Variants in RBFOX1 observed in about 807,000 individuals in gnomAD.
RBFOX1 encodes RNA binding protein fox-1 homolog 1.
In RBFOX1, 8 loss-of-function variants were observed where a neutral mutation model predicts 57.7. The ratio of observed to expected loss-of-function variants is 0.14; its 90% CI spans 0.08 to 0.25. The LOEUF (loss-of-function observed/expected upper bound fraction) is 0.25. RBFOX1 is among the 10% of genes least tolerant of loss of function. RBFOX1 has a pLI of 1.00. For synonymous variants in RBFOX1, 326 were observed against 222.4 expected, an observed-to-expected ratio of 1.47 and a Z score of -4.15; for missense variants, 611 against 548.5, an observed-to-expected ratio of 1.11 and a Z score of -1.14.
At chr16:5,976,763 G>C (rs1432666166) in intron 4 of RBFOX1, among the ~76,000 whole-genome samples, 1 of 143,788 alleles carries the variant, frequency 7.0e-6, no homozygotes, top group Non-Finnish European at 1.5e-5. Context: ...CAGCTACTTG[G>C]GGGGCTTAGC....
At chr16:5,584,822 C>T (rs544158159) in intron 2 of RBFOX1, among the ~76,000 whole-genome samples, 1 of 152,062 alleles carries the variant, frequency 6.6e-6, no homozygotes. Context: ...CTGATACAGA[C>T]CCTATTAATT....
chr16:7,601,512 G>T (rs143134282), intron 9 of RBFOX1, among the ~76,000 whole-genome samples: 105 of 152,272 alleles, frequency 6.9e-4, no homozygotes, highest in African/African-American at 2.3e-3. Context: ...GCTAAAAGGG[G>T]CTGAACAGGT....
intron 4 of RBFOX1, among the ~76,000 whole-genome samples, chr16:7,488,093 A>G (rs1410312968): frequency 1.3e-5 from 2 of 152,146 alleles, no homozygotes; most frequent in Admixed American, 1.3e-4. Context: ...TAGAGGGAAA[A>G]GACCTGAGCA....
At chr16:6,206,676 T>G (rs1269737168) in intron 1 of RBFOX1, among the ~76,000 whole-genome samples, 1 of 152,208 alleles carries the variant, frequency 6.6e-6, no homozygotes, top group African/African-American at 2.4e-5. Context: ...GTTGCAAAGA[T>G]AATACAAATG....
chr16:6,468,347 G>C (rs1391306527), intron 2 of RBFOX1, among the ~76,000 whole-genome samples: 3 of 152,174 alleles, frequency 2.0e-5, no homozygotes, highest in Non-Finnish European at 4.4e-5. Context: ...CTTTAAGCTT[G>C]TGCCCCACTG....
At chr16:7,021,896 TTTTC>T (rs199499097) in intron 3 of RBFOX1, among the ~76,000 whole-genome samples, 6,324 of 122,048 alleles carry the variant, frequency 0.052, 155 homozygotes, top group Middle Eastern at 0.13. Context: ...TCTTTCTTTC[TTTTC>T]TTTCTTTCTT....
chr16:7,260,108 G>A (rs117597977), intron 4 of RBFOX1, among the ~76,000 whole-genome samples: 2,806 of 152,148 alleles, frequency 0.018, 44 homozygotes, highest in Admixed American at 0.033. Flanking sequence ...TTGTGTATAT[G>A]GATCCTTAAG....
Position 7,102,612 on chromosome 16 carries a change from C to T in RBFOX1, c.27+50514C>T, listed in dbSNP as rs561955160. ...GCAGTGATCGATTGATTGGGTCTGA[C>T]ATTGCACTTGTCACCTTGAAATGCA... On this transcript the variant is annotated intron_variant, in intron 4 of 15. Transcript: ENST00000550418. Among the ~76,000 whole-genome samples, 5 of 152,282 alleles carry T rather than the reference C, an allele frequency of 3.3e-5. No individual in the cohort carries two copies. The South Asian group carries it at 1.0e-3, about 32-fold the overall frequency.
intron 3 of RBFOX1, among the ~76,000 whole-genome samples, chr16:6,867,213 T>C (rs1319997071): frequency 6.6e-6 from 1 of 152,078 alleles, no homozygotes; most frequent in Non-Finnish European, 1.5e-5. Flanking sequence ...GCTATATAAG[T>C]CTTTCTGTAG....
At chr16:5,874,519 A>T (rs1216615965) in intron 4 of RBFOX1, among the ~76,000 whole-genome samples, 2 of 152,082 alleles carry the variant, frequency 1.3e-5, no homozygotes, top group African/African-American at 2.4e-5. Context: ...TTCTTCTAAG[A>T]ACACTGAAGG....
intron 2 of RBFOX1, among the ~76,000 whole-genome samples, chr16:6,405,414 G>C (rs1412155684): frequency 1.3e-5 from 2 of 152,158 alleles, no homozygotes; most frequent in Non-Finnish European, 2.9e-5. Context: ...GCACCAAATA[G>C]TGCCTCAGGG....
intron 2 of RBFOX1, among the ~76,000 whole-genome samples, chr16:6,537,121 C>T (rs1215224566): frequency 6.6e-6 from 1 of 152,170 alleles, no homozygotes; most frequent in East Asian, 1.9e-4. Context: ...CAGTGTTTCT[C>T]AAGCTTTTAG....
chr16:5,656,739 T>G (rs575275942), intron 3 of RBFOX1, among the ~76,000 whole-genome samples: 4 of 152,356 alleles, frequency 2.6e-5, no homozygotes, highest in South Asian at 2.1e-4. Context: ...TCATTCTTTT[T>G]TATGGCTGCA....
In RBFOX1 at chr16:7,437,258, C is replaced by CCCCG. The variant is rs1555451114; in HGVS notation, c.28-80886_28-80885insGCCC. Among the ~76,000 whole-genome samples, 47 of 150,786 alleles carry CCCCG rather than the reference C, an allele frequency of 3.1e-4. 1 individual carries two copies. The highest frequency in any genetic ancestry group is 5.9e-4 in the Non-Finnish European group (40 of 67,614). On this transcript the variant is annotated intron_variant, in intron 4 of 15. Coordinates refer to ENST00000550418, the MANE Select transcript of RBFOX1 (RefSeq NM_018723.4). ...AGAATTAAATTATCTTTGCCCCCCC[C>CCCCG]CCCTTTCTGTTATATTAAATTAGTA... is the stretch of plus-strand genomic sequence containing the variant.
intron 2 of RBFOX1, among the ~76,000 whole-genome samples, chr16:6,637,365 AT>A (rs2098451235): frequency 1.2e-5 from 1 of 85,146 alleles, no homozygotes; most frequent in African/African-American, 5.5e-5. Flanking sequence ...TTAAATATAT[AT>A]AATATATAAT....
chr16:6,627,437 A>G lies in RBFOX1; in HGVS notation c.-63-27166A>G, dbSNP rs149638305. Among the ~76,000 whole-genome samples, 11 of 152,288 alleles carry G rather than the reference A, an allele frequency of 7.2e-5. No individual in the cohort carries two copies. The East Asian group carries it at 2.1e-3, about 29-fold the overall frequency. ...AAAAACTTTTCCATTTTGAAAAGTTACCCATCAGAAAAGTCTCTATGATGT... is the reference window on the plus strand; with the variant it reads ...AAAAACTTTTCCATTTTGAAAAGTTGCCCATCAGAAAAGTCTCTATGATGT... On this transcript the variant is annotated intron_variant, in intron 2 of 15. Coordinates refer to ENST00000550418, the MANE Select transcript of RBFOX1 (RefSeq NM_018723.4).
intron 4 of RBFOX1, among the ~76,000 whole-genome samples, chr16:7,239,460 C>G (rs12933245): frequency 0.17 from 26,329 of 152,154 alleles, 2,556 homozygotes; most frequent in Middle Eastern, 0.3. Flanking sequence ...GATCGTGCCA[C>G]TGCACTCCAG....
At chr16:5,937,725 A>G (rs1326559614) in intron 4 of RBFOX1, among the ~76,000 whole-genome samples, 4 of 149,518 alleles carry the variant, frequency 2.7e-5, no homozygotes, top group Non-Finnish European at 5.9e-5. Flanking sequence ...ATATATAGTT[A>G]CATATCTCCA....
At chr16:5,853,403 G>A (rs1041326095) in intron 3 of RBFOX1, among the ~76,000 whole-genome samples, 14 of 152,110 alleles carry the variant, frequency 9.2e-5, no homozygotes, top group Non-Finnish European at 1.5e-4. Flanking sequence ...CCCTGGGCAC[G>A]GCCTGACCTG....
Sources: allele counts gnomAD v4.1 joint callset (sites outside exome capture counted in the v4.1 genomes callset), GRCh38; gene constraint gnomAD v4.1.1; transcripts MANE v1.5; gene names NCBI Gene and HGNC (gene_info 2026-07-23, HGNC 2026-07-21).